Variants in NRCAM observed in about 807,000 individuals in gnomAD.
The protein encoded by NRCAM is NgCAM-related cell adhesion molecule.
Under a neutral mutation model 156.5 loss-of-function variants are expected in NRCAM, and 83 were observed. The ratio of observed to expected loss-of-function variants is 0.53; its 90% CI spans 0.44 to 0.64. The LOEUF (loss-of-function observed/expected upper bound fraction) is 0.64, where lower values mean the gene tolerates loss of function less well. Ranked by LOEUF, NRCAM falls within the 30% of genes least tolerant of loss-of-function variation. The probability of loss-of-function intolerance (pLI) is 0.00; values close to 1 mark genes in which losing one functional copy is unlikely to be tolerated. For missense variants in NRCAM, 1,417 were observed against 1,597.3 expected, an observed-to-expected ratio of 0.89 and a Z score of 1.92; for synonymous variants, 538 against 563.9, an observed-to-expected ratio of 0.95 and a Z score of 0.65.
At chr7:108,428,839 G>A (rs550058575) in intron 1 of NRCAM, among the ~76,000 whole-genome samples, 54 of 152,200 alleles carry the variant, frequency 3.5e-4, no homozygotes, top group Non-Finnish European at 6.9e-4. Context: ...CAGAAGAGTG[G>A]AGACATTAAT....
intron 2 of NRCAM, among the ~76,000 whole-genome samples, chr7:108,380,147 T>C (rs1281379105): frequency 6.6e-6 from 1 of 152,144 alleles, no homozygotes; most frequent in Non-Finnish European, 1.5e-5. Context: ...GGATAAAAAA[T>C]TGTAACACTC....
intron 1 of NRCAM, among the ~76,000 whole-genome samples, chr7:108,410,220 C>T (rs537664142): frequency 1.3e-5 from 2 of 152,250 alleles, no homozygotes; most frequent in African/African-American, 4.8e-5. Flanking sequence ...TTAAATAGCC[C>T]TTGATTAAAT....
chr7:108,220,628 G>A (rs1426832450), intron 11 of NRCAM, among the ~76,000 whole-genome samples: 3 of 152,164 alleles, frequency 2.0e-5, no homozygotes. Context: ...TTGGTGTTGG[G>A]ATAATTGGCT....
Position 108,320,057 on chromosome 7 carries a change from A to G in NRCAM, c.-173-7326T>C, listed in dbSNP as rs76264871. 1.0e-2 allele frequency among the ~76,000 whole-genome samples: 1,520 copies of G among 152,126 alleles called. 32 individuals carry two copies. Among genetic ancestry groups the G allele is most frequent in the African/African-American group, 0.035 (1,439 of 41,356 alleles). Reference sequence around the variant, plus strand: ...TACAAGTGAATTCCTATACAGTTATAAAAAAACACTTTTGATAGTGTTTAA... The same window carrying G: ...TACAAGTGAATTCCTATACAGTTATGAAAAAACACTTTTGATAGTGTTTAA... On this transcript the variant is annotated intron_variant, in intron 2 of 32. Transcript: ENST00000379028.
chr7:108,248,118 A>G (rs1440446077), intron 3 of NRCAM, among the ~76,000 whole-genome samples: 8 of 152,162 alleles, frequency 5.3e-5, no homozygotes, highest in Non-Finnish European at 1.0e-4. Flanking sequence ...AGATTTCTAC[A>G]AATAGCACTG....
chr7:108,180,255 C>G lies in NRCAM; in HGVS notation c.2819G>C (p.Ser940Thr). The G allele has an allele frequency of 6.2e-7, 1 of 1,614,210 alleles. No individual in the cohort carries two copies. Among genetic ancestry groups the G allele is most frequent in the East Asian group, 2.2e-5 (1 of 44,878 alleles). Reference sequence around the variant, plus strand: ...TGGAGTATTAAAGACTCTGTCAGGGCTGGCTGGGCCCTCCCCTTTCCCATT... The same window carrying G: ...TGGAGTATTAAAGACTCTGTCAGGGGTGGCTGGGCCCTCCCCTTTCCCATT... ...VVNGKGEGPASPDRVFNTPEG... is the reference protein window; with the variant it reads ...VVNGKGEGPATPDRVFNTPEG... The change falls in exon 25 of 33, where the codon AGC becomes ACC. Residue 940 changes from serine to threonine, a missense_variant. Physicochemically the swap from Ser to Thr is moderately conservative, Grantham distance 58. Coordinates refer to ENST00000379028, the MANE Select transcript of NRCAM (RefSeq NM_001037132.4).
intron 2 of NRCAM, among the ~76,000 whole-genome samples, chr7:108,373,410 A>G (rs1441469207): frequency 6.6e-6 from 1 of 152,188 alleles, no homozygotes; most frequent in South Asian, 2.1e-4. Context: ...AAAATGGCAC[A>G]AGGACATGGA....
chr7:108,296,988 G>A (rs2098465416), intron 3 of NRCAM, among the ~76,000 whole-genome samples: 1 of 152,112 alleles, frequency 6.6e-6, no homozygotes, highest in South Asian at 2.1e-4. Flanking sequence ...TAATTTCTTT[G>A]AGAACAAGCA....
At chr7:108,191,670 T>C in intron 18 of NRCAM, 59 bp downstream of exon 18, 1 of 1,523,766 alleles carries the variant, frequency 6.6e-7, no homozygotes, top group Non-Finnish European at 8.8e-7. Context: ...TTTATCTTAT[T>C]TTTTCTTTTC....
In NRCAM at chr7:108,231,154, CTATTAAATAAAAAAATAACTTCTCAGT is replaced by C; in HGVS notation, c.428-28_428-2del. On this transcript the variant is annotated splice_acceptor_variant and splice_polypyrimidine_tract_variant and intron_variant, in intron 7 of 32. Coordinates refer to ENST00000379028, the MANE Select transcript of NRCAM (RefSeq NM_001037132.4). LOFTEE classifies it high-confidence loss of function. The stretch of plus-strand genomic sequence containing the variant: ...TTTTCTTTGGTCCACAATGGTGATC[CTATTAAATAAAAAAATAACTTCTCAGT>C]TATTTCTGCATTGAAAAGTACAAAA... 1 of 1,567,578 alleles carries C rather than the reference CTATTAAATAAAAAAATAACTTCTCAGT, an allele frequency of 6.4e-7. No individual in the cohort carries two copies. The highest frequency in any genetic ancestry group is 8.6e-7 in the Non-Finnish European group (1 of 1,164,824).
intron 32 of NRCAM, among the ~76,000 whole-genome samples, chr7:108,155,471 G>C (rs1271671140): frequency 6.6e-6 from 1 of 152,016 alleles, no homozygotes; most frequent in Non-Finnish European, 1.5e-5. Context: ...GGAAAGAAAT[G>C]TTCCTATCAC....
intron 3 of NRCAM, among the ~76,000 whole-genome samples, chr7:108,263,061 G>A (rs751047990): frequency 6.6e-6 from 1 of 152,274 alleles, no homozygotes; most frequent in Non-Finnish European, 1.5e-5. Context: ...AACCCATGGA[G>A]ACCACTGACA....
At chr7:108,409,153 T>C (rs1371516459) in intron 1 of NRCAM, among the ~76,000 whole-genome samples, 9 of 152,120 alleles carry the variant, frequency 5.9e-5, no homozygotes, top group Admixed American at 5.9e-4. Flanking sequence ...TGAGGTTAGG[T>C]AGGATCAACG....
At chr7:108,391,770 G>C (rs1181246198) in intron 2 of NRCAM, among the ~76,000 whole-genome samples, 2 of 152,162 alleles carry the variant, frequency 1.3e-5, no homozygotes, top group African/African-American at 4.8e-5. Flanking sequence ...GGCAGGCCTG[G>C]TGGTGACAAA....
intron 3 of NRCAM, among the ~76,000 whole-genome samples, chr7:108,265,169 A>G (rs1276921986): frequency 6.6e-6 from 1 of 152,106 alleles, no homozygotes; most frequent in Non-Finnish European, 1.5e-5. Context: ...GTGTGACAAT[A>G]CCCAGGGCAC....
At chr7:108,346,196 G>GGAA (rs1178931702) in intron 2 of NRCAM, among the ~76,000 whole-genome samples, 1 of 152,088 alleles carries the variant, frequency 6.6e-6, no homozygotes, top group Non-Finnish European at 1.5e-5. Flanking sequence ...AGGAGTGGGA[G>GGAA]GAATTTTGAG....
At chr7:108,256,651 AC>A (rs929054944) in intron 3 of NRCAM, among the ~76,000 whole-genome samples, 13 of 152,226 alleles carry the variant, frequency 8.5e-5, no homozygotes, top group African/African-American at 2.4e-4. Flanking sequence ...AACAAAAAAA[AC>A]AACTATGCTG....
rs575495917 is a variant in NRCAM, at chr7:108,154,612, C to T, written c.3678-4465G>A. Among the ~76,000 whole-genome samples, 11 of 152,262 alleles carry T rather than the reference C, an allele frequency of 7.2e-5. No homozygotes were observed. In the East Asian group the frequency reaches 1.5e-3, roughly 21 times the overall value. The stretch of plus-strand genomic sequence containing the variant: ...GGAAGTGGGATTCTCCCTCCTCCAA[C>T]AGAGTCTTTCCAGGAAAAGCCATTC... On this transcript the variant is annotated intron_variant, in intron 32 of 32. Transcript: ENST00000379028.
In NRCAM at chr7:108,231,146, TG is replaced by T; in HGVS notation, c.434del (p.Pro145HisfsTer19). On this transcript the variant is annotated frameshift_variant, in exon 8 of 33. Coordinates refer to ENST00000379028, the MANE Select transcript of NRCAM (RefSeq NM_001037132.4). LOFTEE classifies it high-confidence loss of function. ...GTTCAAGTTTTTCTTTGGTCCACAA[TG>T]GTGATCCTATTAAATAAAAAAATAA... The part of the protein sequence containing the change: ...NNIVVRPSRS[P>X]LWTKEKLEPI... 1 of 1,583,612 alleles carries T rather than the reference TG, an allele frequency of 6.3e-7. No individual in the cohort carries two copies. Among genetic ancestry groups the T allele is most frequent in the Non-Finnish European group, 8.5e-7 (1 of 1,170,640 alleles).
Sources: allele counts gnomAD v4.1 joint callset (sites outside exome capture counted in the v4.1 genomes callset), GRCh38; gene constraint gnomAD v4.1.1; transcripts MANE v1.5; gene names NCBI Gene and HGNC (gene_info 2026-07-23, HGNC 2026-07-21).